The following CIMAP3 variants were observed in gnomAD, a reference collection of about 807,000 sequenced individuals.
CIMAP3 encodes ciliary microtubule associated protein 3.
chr1:111,345,327 A>T, the CIMAP3 span, among the ~76,000 whole-genome samples: 1 of 152,220 alleles, frequency 6.6e-6, no homozygotes, highest in Admixed American at 6.5e-5. Context: ...AACCTTTTAT[A>T]TTACTGGGCT....
chr1:111,346,343 T>C, the CIMAP3 span: 4 of 339,838 alleles, frequency 1.2e-5, no homozygotes, highest in Non-Finnish European at 1.7e-5. Flanking sequence ...TGTCCTTCCC[T>C]CTACAACAGC....
the CIMAP3 span, chr1:111,346,557 C>G: frequency 6.3e-7 from 1 of 1,594,536 alleles, no homozygotes; most frequent in South Asian, 1.1e-5. Flanking sequence ...CGCTCGGGCC[C>G]TCTCCCCCTC....
At chr1:111,333,596 G>A in the CIMAP3 span, among the ~76,000 whole-genome samples, 1 of 152,006 alleles carries the variant, frequency 6.6e-6, no homozygotes, top group African/African-American at 2.4e-5. Context: ...GGAATCTTCT[G>A]CTTACCTTTT....
the CIMAP3 span, among the ~76,000 whole-genome samples, chr1:111,326,865 C>A: frequency 0.48 from 73,552 of 151,950 alleles, 18,074 homozygotes; most frequent in South Asian, 0.54. Context: ...CTTTTCATAT[C>A]CACGTTAGCC....
At chr1:111,333,224 G>C in the CIMAP3 span, among the ~76,000 whole-genome samples, 2 of 152,204 alleles carry the variant, frequency 1.3e-5, no homozygotes, top group Non-Finnish European at 2.9e-5. Flanking sequence ...AGTGGGAATT[G>C]GTTTCCCTGC....
chr1:111,344,138 G>A, the CIMAP3 span, among the ~76,000 whole-genome samples: 1 of 152,108 alleles, frequency 6.6e-6, no homozygotes, highest in East Asian at 1.9e-4. Flanking sequence ...AAAATTAGTT[G>A]AGTCTCTGGA....
chr1:111,349,883 G>A, the CIMAP3 span: 1 of 482,438 alleles, frequency 2.1e-6, no homozygotes, highest in East Asian at 3.3e-5. Flanking sequence ...GAGTCGATCT[G>A]TGCTCTAACT....
At chr1:111,346,870 G>A in the CIMAP3 span, 1 of 1,607,320 alleles carries the variant, frequency 6.2e-7, no homozygotes, top group Non-Finnish European at 8.5e-7. Flanking sequence ...CGTAGACCCA[G>A]GTGCCGTCCC....
chr1:111,351,362 C>A, the CIMAP3 span: 14 of 1,486,508 alleles, frequency 9.4e-6, no homozygotes, highest in African/African-American at 1.0e-4. Context: ...TCCTCTTATA[C>A]ACAGACTCTC....
At chr1:111,351,609 T>G in the CIMAP3 span, 9 of 272,528 alleles carry the variant, frequency 3.3e-5, no homozygotes. Context: ...TGTGGGCCCC[T>G]GCTCTCTAGT....
the CIMAP3 span, among the ~76,000 whole-genome samples, chr1:111,335,867 C>G: frequency 6.6e-6 from 1 of 152,230 alleles, no homozygotes; most frequent in African/African-American, 2.4e-5. Flanking sequence ...CAGCACGCAG[C>G]TGGAGATCTG....
the CIMAP3 span, chr1:111,351,972 T>G: frequency 6.6e-6 from 1 of 152,220 alleles, no homozygotes; most frequent in Non-Finnish European, 1.5e-5. Flanking sequence ...CAAAATAAAC[T>G]TATCTACTAA....
At chr1:111,337,811 C>T in the CIMAP3 span, among the ~76,000 whole-genome samples, 4 of 152,018 alleles carry the variant, frequency 2.6e-5, no homozygotes, top group South Asian at 2.1e-4. Flanking sequence ...AACAAGGATA[C>T]CCAGGAATTG....
chr1:111,342,523 T>C, the CIMAP3 span, among the ~76,000 whole-genome samples: 1 of 152,210 alleles, frequency 6.6e-6, no homozygotes, highest in South Asian at 2.1e-4. Flanking sequence ...CCAGGAGACC[T>C]GTGGGATGAA....
At chr1:111,342,263 A>G in the CIMAP3 span, among the ~76,000 whole-genome samples, 2 of 152,170 alleles carry the variant, frequency 1.3e-5, no homozygotes, top group Non-Finnish European at 2.9e-5. Flanking sequence ...GTGTAATGAC[A>G]TTTTCAAAGT....
chr1:111,336,851 A>G, the CIMAP3 span, among the ~76,000 whole-genome samples: 2 of 152,108 alleles, frequency 1.3e-5, no homozygotes, highest in African/African-American at 4.8e-5. Context: ...AGAGAACACC[A>G]CAAAGATACT....
chr1:111,348,345 C>T, the CIMAP3 span: 11 of 594,678 alleles, frequency 1.8e-5, no homozygotes, highest in South Asian at 1.1e-4. Context: ...GAACCACACC[C>T]GTATCTCGGT....
At chr1:111,348,844 AT>A in the CIMAP3 span, 2 of 527,890 alleles carry the variant, frequency 3.8e-6, no homozygotes, top group South Asian at 6.3e-5. Flanking sequence ...CATTCAATGA[AT>A]TTTTATTAAC....
the CIMAP3 span, among the ~76,000 whole-genome samples, chr1:111,338,577 T>C: frequency 6.6e-6 from 1 of 152,018 alleles, no homozygotes; most frequent in Non-Finnish European, 1.5e-5. Flanking sequence ...TATAAACACC[T>C]CTACACAAAT....
Sources: allele counts gnomAD v4.1 joint callset (sites outside exome capture counted in the v4.1 genomes callset), GRCh38; gene constraint gnomAD v4.1.1; transcripts MANE v1.5; gene names NCBI Gene and HGNC (gene_info 2026-07-23, HGNC 2026-07-21).